The following FAT3 variants were observed in gnomAD, a reference collection of about 807,000 sequenced individuals.
FAT3 encodes the protein protocadherin Fat 3.
In FAT3, 95 loss-of-function variants were observed where a neutral mutation model predicts 310.2. The ratio of observed to expected loss-of-function variants is 0.31; its 90% CI spans 0.26 to 0.36. The LOEUF (loss-of-function observed/expected upper bound fraction) is 0.36. FAT3 is among the 10% of genes least tolerant of loss of function. The pLI is 1.00. For missense variants in FAT3, 5,408 were observed against 5,715.6 expected (o/e 0.95, Z 1.74); for synonymous variants, 2,314 against 2,192.9 (o/e 1.06, Z -1.54).
Position 92,840,762 on chromosome 11 carries a change from A to T in FAT3, c.10566+3A>T, listed in dbSNP as rs150610621. ...TGGAATACGTGTTGTGTGTCCAGGT[A>T]TGGCATCGCACTCTGTCTCCGTCGT... On this transcript the variant is annotated splice_donor_region_variant and intron_variant, in intron 18 of 27. Transcript: ENST00000525166. The T allele has an allele frequency of 6.4e-7, 1 of 1,567,500 alleles. No homozygotes were observed. The highest frequency in any genetic ancestry group is 1.3e-5 in the African/African-American group (1 of 74,256).
chr11:92,638,311 G>T (rs185013082), intron 3 of FAT3, among the ~76,000 whole-genome samples: 3 of 152,170 alleles, frequency 2.0e-5, no homozygotes, highest in Admixed American at 6.5e-5. Flanking sequence ...TGAACCAAAT[G>T]CAGTAAAGCA....
chr11:92,241,542 T>C (rs1864668940), intron 1 of FAT3, among the ~76,000 whole-genome samples: 1 of 152,098 alleles, frequency 6.6e-6, no homozygotes, highest in Admixed American at 6.6e-5. Flanking sequence ...CTGGTAAATG[T>C]TCATGTAATA....
intron 3 of FAT3, among the ~76,000 whole-genome samples, chr11:92,638,705 T>C (rs1565478083): frequency 6.6e-6 from 1 of 152,206 alleles, no homozygotes; most frequent in South Asian, 2.1e-4. Flanking sequence ...GACATTCCGA[T>C]GTAAATTTTG....
At chr11:92,400,914 T>A (rs1052902532) in intron 2 of FAT3, among the ~76,000 whole-genome samples, 4 of 152,042 alleles carry the variant, frequency 2.6e-5, no homozygotes, top group African/African-American at 9.7e-5. Context: ...TTACAAAACC[T>A]AAATGAAATG....
intron 2 of FAT3, among the ~76,000 whole-genome samples, chr11:92,450,256 A>G (rs1202864118): frequency 6.6e-6 from 1 of 152,198 alleles, no homozygotes; most frequent in Non-Finnish European, 1.5e-5. Context: ...ATTTAAAATT[A>G]ACAATTTTGC....
chr11:92,325,915 C>A (rs1252907230), intron 1 of FAT3, among the ~76,000 whole-genome samples: 1 of 152,216 alleles, frequency 6.6e-6, no homozygotes, highest in Non-Finnish European at 1.5e-5. Flanking sequence ...CAGGCATGAG[C>A]CACCATACCT....
intron 25 of FAT3, among the ~76,000 whole-genome samples, chr11:92,888,923 T>C (rs1418814812): frequency 6.6e-6 from 1 of 152,182 alleles, no homozygotes; most frequent in Non-Finnish European, 1.5e-5. Context: ...ACTTTATGAC[T>C]CAGCAATCAT....
chr11:92,417,802 T>C (rs1373437143), intron 2 of FAT3, among the ~76,000 whole-genome samples: 1 of 152,210 alleles, frequency 6.6e-6, no homozygotes. Flanking sequence ...TAATAGACCC[T>C]GACTTTCCTG....
intron 2 of FAT3, among the ~76,000 whole-genome samples, chr11:92,370,531 G>T (rs140467122): frequency 3.5e-4 from 53 of 152,228 alleles, no homozygotes; most frequent in African/African-American, 1.2e-3. Flanking sequence ...ACTTCTAATA[G>T]AATATTTGGT....
intron 2 of FAT3, among the ~76,000 whole-genome samples, chr11:92,370,435 G>C (rs140977531): frequency 1.3e-5 from 2 of 152,128 alleles, no homozygotes; most frequent in Non-Finnish European, 2.9e-5. Context: ...TCCTTCATGC[G>C]TGTTGGTCCT....
At position 92,435,979 on chromosome 11, in the gene FAT3, G is replaced by A. The variant is rs557272106; in HGVS notation, c.3292+80575G>A. On this transcript the variant is annotated intron_variant, in intron 2 of 27. Transcript: ENST00000525166. ...ATCCATGTGGCCAATTAGTTGTCAC[G>A]TTACTAACATATATACACATGAATT... 5.3e-5 allele frequency among the ~76,000 whole-genome samples: 8 copies of A among 152,208 alleles called. No individual in the cohort carries two copies. In the South Asian group the frequency reaches 6.2e-4, roughly 12 times the overall value.
chr11:92,604,915 A>G (rs1040542542), intron 3 of FAT3, among the ~76,000 whole-genome samples: 1 of 152,178 alleles, frequency 6.6e-6, no homozygotes, highest in Non-Finnish European at 1.5e-5. Context: ...AACCATTTTG[A>G]GTTATGTTTC....
At position 92,296,245 on chromosome 11, in the gene FAT3, G is replaced by A. The variant is rs547855531; in HGVS notation, c.-17-55851G>A. 2.0e-3 allele frequency among the ~76,000 whole-genome samples: 309 copies of A among 152,242 alleles called. 2 individuals carry two copies. Among genetic ancestry groups the A allele is most frequent in the Non-Finnish European group, 3.7e-3 (251 of 68,008 alleles). On this transcript the variant is annotated intron_variant, in intron 1 of 27. Coordinates refer to ENST00000525166, the MANE Select transcript of FAT3 (RefSeq NM_001367949.2). ...GTTGTAGCTAAGAGTGTGTGGTTAAGACCACAGGCTTTGGAGTTGGAAAAT... is the reference window on the plus strand; with the variant it reads ...GTTGTAGCTAAGAGTGTGTGGTTAAAACCACAGGCTTTGGAGTTGGAAAAT...
At chr11:92,742,598 C>T (rs1264019300) in intron 4 of FAT3, among the ~76,000 whole-genome samples, 1 of 152,196 alleles carries the variant, frequency 6.6e-6, no homozygotes, top group Non-Finnish European at 1.5e-5. Flanking sequence ...TGGATTGAAG[C>T]TCTTATCTCA....
At chr11:92,813,261 G>A (rs943201818) in intron 13 of FAT3, among the ~76,000 whole-genome samples, 1 of 152,108 alleles carries the variant, frequency 6.6e-6, no homozygotes, top group African/African-American at 2.4e-5. Flanking sequence ...GACAAGGAAA[G>A]GTCTTATTTT....
intron 2 of FAT3, among the ~76,000 whole-genome samples, chr11:92,405,858 A>G (rs774508119): frequency 3.3e-5 from 5 of 152,200 alleles, no homozygotes; most frequent in Non-Finnish European, 5.9e-5. Context: ...AATGGCTAGA[A>G]ATTTTGTGTC....
chr11:92,854,068 C>G (rs1287355792), intron 19 of FAT3, among the ~76,000 whole-genome samples: 1 of 152,160 alleles, frequency 6.6e-6, no homozygotes, highest in Admixed American at 6.5e-5. Context: ...GCTGAGCCAC[C>G]CTCAGCACCC....
Position 92,798,978 on chromosome 11 carries a change from A to G in FAT3, c.5965A>G (p.Thr1989Ala). The stretch of plus-strand genomic sequence containing the variant: ...CCACTTTACACAAAGCTTCTATTCC[A>G]CCTCAATCTCAGAGAACAACACTAA... ...GLHFTQSFYS[T>A]SISENNTNIT... The change falls in exon 10 of 28, where the codon ACC becomes GCC. Residue 1989 changes from threonine to alanine, a missense_variant. This residue lies in a region of FAT3 where 4,588 missense variants were observed against 4,809.8 expected (regional missense o/e 0.95). Transcript: ENST00000525166. 1 of 1,613,954 alleles carries G rather than the reference A, an allele frequency of 6.2e-7. No homozygotes were observed. The highest frequency in any genetic ancestry group is 8.5e-7 in the Non-Finnish European group (1 of 1,179,870).
At chr11:92,658,552 A>G (rs1045243603) in intron 3 of FAT3, among the ~76,000 whole-genome samples, 1 of 152,076 alleles carries the variant, frequency 6.6e-6, no homozygotes, top group African/African-American at 2.4e-5. Context: ...AATGACCTCT[A>G]CCTTGCTCTG....
Sources: gnomAD v4.1 joint callset for allele counts (sites outside exome capture counted in the v4.1 genomes callset) on GRCh38, gnomAD v4.1.1 for gene constraint, gnomAD v4.1.1 regional missense constraint, MANE v1.5 for transcripts, NCBI Gene and HGNC (gene_info 2026-07-23, HGNC 2026-07-21) for gene names.